Variants in PFKFB2 observed in about 807,000 individuals in gnomAD.
PFKFB2 encodes the protein 6-phosphofructo-2-kinase/fructose-2,6-biphosphatase 2.
Under a neutral mutation model 68.0 loss-of-function variants are expected in PFKFB2, and 53 were observed. The observed-to-expected ratio is 0.78, with a 90% CI of 0.63 to 0.98. The LOEUF is 0.98. PFKFB2 is among the 50% of genes least tolerant of loss of function. PFKFB2 has a pLI of 0.00. For synonymous variants in PFKFB2, 222 were observed against 227.6 expected (o/e 0.98, Z 0.22); for missense variants, 451 against 642.0 (o/e 0.70, Z 3.22).
chr1:207,050,957 T>G, upstream of PFKFB2: 1 of 1,562,092 alleles, frequency 6.4e-7, no homozygotes, highest in Non-Finnish European at 8.7e-7. Context: ...CCCGGCAGCC[T>G]GTTGGGAGAC....
chr1:207,063,715 CT>C lies in PFKFB2; in HGVS notation c.451-56del, dbSNP rs1683188319. 7.0e-7 allele frequency: 1 copy of C among 1,431,544 alleles called. No individual in the cohort carries two copies. The allele number at this position is 1,431,544 out of a possible 1,614,324, so 88.7% of individuals were successfully genotyped here. On this transcript the variant is annotated intron_variant, in intron 6 of 14. Transcript: ENST00000367080. This position sits in a 1 kb window ranked among gnomAD's most constrained non-coding sequence, Gnocchi z 4.1. ...TGGGTGGGGTAGATGAGCATGTGCT[CT>C]TAATTAACAGCCTGGCATTTTTGAC...
In PFKFB2 at chr1:207,037,738, T is replaced by G. The variant is rs575018719; in HGVS notation, c.-62+3266T>G. ...AATTCTTGGAGATCCTATCTCTAAA[T>G]TATATATTACATCTATCCTCTTCTC... On this transcript the variant is annotated intron_variant, in intron 1 of 5. Transcript: ENST00000545806. 1.4e-4 allele frequency among the ~76,000 whole-genome samples: 21 copies of G among 152,348 alleles called. No individual in the cohort carries two copies. The East Asian group carries it at 4.0e-3, about 29-fold the overall frequency.
intron 14 of PFKFB2, 95 bp from the exon 15 acceptor site, chr1:207,072,108 AG>A: frequency 6.5e-7 from 1 of 1,539,914 alleles, no homozygotes. Context: ...AGCAGGAGTG[AG>A]GGAAGCTGTT....
At chr1:207,078,766 C>A (rs1035124933), downstream of PFKFB2, among the ~76,000 whole-genome samples, 1 of 152,168 alleles carries the variant, frequency 6.6e-6, no homozygotes, top group Admixed American at 6.5e-5. Context: ...GAAAGAAGAC[C>A]ATGACTACGC....
upstream of PFKFB2, chr1:207,052,368 G>A: frequency 1.4e-6 from 1 of 719,118 alleles, no homozygotes; most frequent in South Asian, 1.7e-5. Flanking sequence ...GTGGTTAGAA[G>A]TCCACCGGGG....
rs76197836 is a variant in PFKFB2, at chr1:207,072,623, CAGAT to C, written c.*253_*256del. 1.7e-4 allele frequency: 211 copies of C among 1,254,368 alleles called. No homozygotes were observed. The East Asian group carries it at 5.7e-3, about 34-fold the overall frequency. The allele number at this position is 1,254,368 out of a possible 1,614,324, so 77.7% of individuals were successfully genotyped here. ...AATTGAGTCTTTTAGGACAGATTCT[CAGAT>C]GGGATGATCTGGAGGAGGAGGAAAA... On this transcript the variant is annotated 3_prime_UTR_variant, in exon 15 of 15. Coordinates refer to ENST00000367080, the MANE Select transcript of PFKFB2 (RefSeq NM_006212.2).
chr1:207,048,999 C>T (rs1682664838), upstream of PFKFB2: 3 of 1,602,620 alleles, frequency 1.9e-6, no homozygotes, highest in Admixed American at 1.7e-5. Context: ...TAGTAGGCTT[C>T]AACCCTCATT....
At chr1:207,065,296 T>C in intron 8 of PFKFB2, 136 bp downstream of exon 8, 1 of 1,457,180 alleles carries the variant, frequency 6.9e-7, no homozygotes, top group Non-Finnish European at 9.1e-7. Context: ...AGAAATAAGG[T>C]ATGGATTTGT....
chr1:207,043,417 C>T (rs1682517677), intron 2 of PFKFB2, among the ~76,000 whole-genome samples: 1 of 152,198 alleles, frequency 6.6e-6, no homozygotes, highest in South Asian at 2.1e-4. Context: ...AACCTGAACT[C>T]TGGCCAATTG....
At chr1:207,069,219 C>T (rs968782104) in intron 10 of PFKFB2, among the ~76,000 whole-genome samples, 3 of 152,172 alleles carry the variant, frequency 2.0e-5, no homozygotes, top group African/African-American at 7.2e-5. Flanking sequence ...GAAGTTGCCT[C>T]TTTCCGGCAG....
Position 207,054,725 on chromosome 1 carries a change from G to A in PFKFB2, c.8G>A (p.Gly3Glu), listed in dbSNP as rs1333052850. 1 of 1,611,698 alleles carries A rather than the reference G, an allele frequency of 6.2e-7. No individual in the cohort carries two copies. The highest frequency in any genetic ancestry group is 1.3e-5 in the African/African-American group (1 of 74,808). MS[G>E]ASSSEQNNNS... ...GACATCTGAAGAGCTGCCATGTCTG[G>A]GGCATCTTCCTCAGAACAGAACAAC... The change falls in exon 2 of 15, where the codon GGG becomes GAG. Residue 3 changes from glycine to glutamate, a missense_variant. By Grantham distance (98) the Gly-to-Glu change is moderately conservative. Coordinates refer to ENST00000367080, the MANE Select transcript of PFKFB2 (RefSeq NM_006212.2).
chr1:207,078,429 C>T (rs1033227466), downstream of PFKFB2, among the ~76,000 whole-genome samples: 1 of 152,178 alleles, frequency 6.6e-6, no homozygotes, highest in African/African-American at 2.4e-5. Context: ...GCACATTTAA[C>T]ATTTGAGAAG....
chr1:207,065,258 T>C, intron 8 of PFKFB2, 98 bp downstream of exon 8: 1 of 1,553,524 alleles, frequency 6.4e-7, no homozygotes, highest in Non-Finnish European at 8.7e-7. Context: ...TCTGATAATC[T>C]AGATCTACAG....
chr1:207,062,121 T>C (rs1212251860), intron 3 of PFKFB2, 43 bp downstream of exon 3: 1 of 1,613,102 alleles, frequency 6.2e-7, no homozygotes, highest in South Asian at 1.1e-5. Context: ...TATTAGTTCC[T>C]GGGCCTCACA....
rs1683570876 is a variant in PFKFB2 at position 207,074,564 on chromosome 1, A to G, written c.*2193A>G. The G allele has an allele frequency of 7.1e-6, 7 of 985,302 alleles. No homozygotes were observed. The highest frequency in any genetic ancestry group is 8.4e-6 in the Non-Finnish European group (7 of 829,938). 61.0% of individuals were successfully genotyped at this position (985,302 alleles called of 1,614,324 possible). On this transcript the variant is annotated 3_prime_UTR_variant, in exon 15 of 15. Transcript: ENST00000367080. ...TCGTATGTCCCAAGTAGGATACCAT[A>G]GGCAGCTTCTAAAGGCTGCTTACCT...
chr1:207,064,012 T>G (rs1324503344), intron 7 of PFKFB2, among the ~76,000 whole-genome samples, 183 bp downstream of exon 7: 1 of 152,040 alleles, frequency 6.6e-6, no homozygotes, highest in African/African-American at 2.4e-5. Flanking sequence ...CATCTGGTAC[T>G]TCTACACTCT....
At chr1:207,065,999 A>G (rs1361991883) in intron 8 of PFKFB2, among the ~76,000 whole-genome samples, 1 of 152,232 alleles carries the variant, frequency 6.6e-6, no homozygotes, top group African/African-American at 2.4e-5. Flanking sequence ...TTTTACATAT[A>G]TTAATGCTTG....
At chr1:207,043,576 C>T (rs1171551300) in intron 2 of PFKFB2, among the ~76,000 whole-genome samples, 1 of 152,140 alleles carries the variant, frequency 6.6e-6, no homozygotes, top group Non-Finnish European at 1.5e-5. Context: ...TAAGCCTTTC[C>T]ACACTGACAA....
intron 1 of PFKFB2, among the ~76,000 whole-genome samples, chr1:207,039,014 G>A (rs1478854096): frequency 1.3e-5 from 2 of 152,100 alleles, no homozygotes; most frequent in Admixed American, 6.5e-5. Flanking sequence ...ACAATTTTCC[G>A]AGATAAGTTA....
Sources: gnomAD v4.1 joint callset for allele counts (sites outside exome capture counted in the v4.1 genomes callset) on GRCh38, gnomAD v4.1.1 for gene constraint, Gnocchi (gnomAD v3.1) non-coding constraint, MANE v1.5 for transcripts, NCBI Gene and HGNC (gene_info 2026-07-23, HGNC 2026-07-21) for gene names.